Variants in LRRC4C observed in about 807,000 individuals in gnomAD.
LRRC4C encodes leucine rich repeat containing 4C, also known as leucine-rich repeat-containing protein 4C.
In LRRC4C, 5 loss-of-function variants were observed where a neutral mutation model predicts 33.6. The ratio of observed to expected loss-of-function variants is 0.15; its 90% confidence interval spans 0.08 to 0.31. LRRC4C has a LOEUF of 0.31. Among genes scored for constraint, LRRC4C ranks in the 10% least tolerant of loss-of-function variants. The pLI is 1.00. For synonymous variants in LRRC4C, 329 were observed against 302.0 expected (o/e 1.09, Z -0.93); for missense variants, 560 against 796.7 (o/e 0.70, Z 3.58).
intron 3 of LRRC4C, among the ~76,000 whole-genome samples, chr11:40,615,995 G>T (rs1379084727): frequency 6.6e-6 from 1 of 151,700 alleles, no homozygotes; most frequent in East Asian, 1.9e-4. Flanking sequence ...TTCAAGGAAT[G>T]AAACTACAAT....
intron 3 of LRRC4C, among the ~76,000 whole-genome samples, chr11:40,511,677 G>A (rs1955323175): frequency 6.6e-6 from 1 of 152,190 alleles, no homozygotes. Flanking sequence ...TGAAGCACCA[G>A]CAGGGAATGC....
intron 3 of LRRC4C, among the ~76,000 whole-genome samples, chr11:40,411,493 G>A (rs1301518799): frequency 1.3e-5 from 2 of 151,904 alleles, no homozygotes; most frequent in East Asian, 1.9e-4. Context: ...CCACTGCTCC[G>A]GAATGTATTT....
chr11:40,138,018 C>T (rs529208755), intron 6 of LRRC4C, among the ~76,000 whole-genome samples: 1 of 152,258 alleles, frequency 6.6e-6, no homozygotes, highest in East Asian at 1.9e-4. Flanking sequence ...TCACAACAAC[C>T]CCATGAAGAA....
intron 1 of LRRC4C, among the ~76,000 whole-genome samples, chr11:41,065,867 A>G (rs902224041): frequency 6.6e-6 from 1 of 152,192 alleles, no homozygotes; most frequent in Admixed American, 6.5e-5. Context: ...AATAACAACA[A>G]CATCAACAAA....
intron 1 of LRRC4C, among the ~76,000 whole-genome samples, chr11:41,373,234 T>C (rs577158016): frequency 6.6e-6 from 1 of 152,234 alleles, no homozygotes; most frequent in Admixed American, 6.5e-5. Flanking sequence ...TTTAATAGCA[T>C]ATATATACTG....
intron 3 of LRRC4C, among the ~76,000 whole-genome samples, chr11:40,534,253 T>A (rs1157508167): frequency 6.6e-6 from 1 of 152,106 alleles, no homozygotes; most frequent in Non-Finnish European, 1.5e-5. Context: ...TTGCTACCAT[T>A]GTTACTATAA....
chr11:40,585,675 A>C (rs1420502087), intron 3 of LRRC4C, among the ~76,000 whole-genome samples: 5 of 127,038 alleles, frequency 3.9e-5, no homozygotes, highest in Non-Finnish European at 7.9e-5. Flanking sequence ...TCCTGTGTCC[A>C]TGTGATCTCA....
intron 5 of LRRC4C, among the ~76,000 whole-genome samples, chr11:40,186,116 A>G (rs1227200854): frequency 1.3e-5 from 2 of 152,194 alleles, no homozygotes; most frequent in African/African-American, 4.8e-5. Context: ...TCACTATTCT[A>G]GACTCTGGTT....
At chr11:41,389,547 C>A (rs1407655253) in intron 1 of LRRC4C, among the ~76,000 whole-genome samples, 1 of 139,114 alleles carries the variant, frequency 7.2e-6, no homozygotes, top group Non-Finnish European at 1.5e-5. Flanking sequence ...CAGTCTCTAA[C>A]AAAAGGAAGA....
intron 1 of LRRC4C, among the ~76,000 whole-genome samples, chr11:41,246,128 A>C (rs546121207): frequency 3.3e-5 from 5 of 152,094 alleles, no homozygotes; most frequent in Admixed American, 3.3e-4. Context: ...GCTGCCGTTT[A>C]TCTGCCGTCC....
chr11:41,266,264 A>T (rs1949148579), intron 1 of LRRC4C, among the ~76,000 whole-genome samples: 1 of 152,124 alleles, frequency 6.6e-6, no homozygotes, highest in Non-Finnish European at 1.5e-5. Flanking sequence ...ACAGGTTTAG[A>T]TGCCTGATAC....
At chr11:41,415,397 C>CA (rs1400451042) in intron 1 of LRRC4C, among the ~76,000 whole-genome samples, 1 of 152,108 alleles carries the variant, frequency 6.6e-6, no homozygotes, top group African/African-American at 2.4e-5. Context: ...AATGACTGAG[C>CA]AAAGCGGTGT....
At chr11:41,184,613 G>A (rs747912676) in intron 1 of LRRC4C, among the ~76,000 whole-genome samples, 1 of 152,006 alleles carries the variant, frequency 6.6e-6, no homozygotes, top group East Asian at 1.9e-4. Context: ...AAAGTCTCTG[G>A]AAAGTTTCAT....
chr11:40,687,977 T>C (rs571067976), intron 2 of LRRC4C, among the ~76,000 whole-genome samples: 11 of 136,948 alleles, frequency 8.0e-5, no homozygotes, highest in Non-Finnish European at 1.3e-4. Flanking sequence ...AGCATAGCCC[T>C]GCTTTACAGA....
At position 41,451,005 on chromosome 11, in the gene LRRC4C, C is replaced by A. The variant is rs1231027008; in HGVS notation, c.-496+8426G>T. Among the ~76,000 whole-genome samples, 3 of 151,998 alleles carry A rather than the reference C, an allele frequency of 2.0e-5. No individual in the cohort carries two copies. In the East Asian group the frequency reaches 5.8e-4, roughly 29 times the overall value. On this transcript the variant is annotated intron_variant, in intron 1 of 6. Coordinates refer to ENST00000528697, the MANE Select transcript of LRRC4C (RefSeq NM_001258419.2). ...TTTTTGGTTCTGAATCCTGTGCTGC[C>A]TTGTTTAGCAAGTTAATTGCTCCTC... is the stretch of plus-strand genomic sequence containing the variant.
intron 1 of LRRC4C, among the ~76,000 whole-genome samples, chr11:41,170,619 G>T (rs1351214050): frequency 2.0e-5 from 3 of 152,158 alleles, no homozygotes; most frequent in Admixed American, 2.0e-4. Context: ...ATGGATTAAA[G>T]ACTTAAATGT....
chr11:41,064,675 G>T (rs374826110), intron 1 of LRRC4C, among the ~76,000 whole-genome samples: 1 of 152,168 alleles, frequency 6.6e-6, no homozygotes, highest in Non-Finnish European at 1.5e-5. Context: ...AGCTCCAAGC[G>T]AGACCAATGC....
At chr11:40,233,963 C>T (rs552187406) in intron 5 of LRRC4C, among the ~76,000 whole-genome samples, 35 of 152,238 alleles carry the variant, frequency 2.3e-4, no homozygotes, top group South Asian at 1.7e-3. Flanking sequence ...TTAAGCCTCA[C>T]GAAAACTCTA....
intron 3 of LRRC4C, among the ~76,000 whole-genome samples, chr11:40,512,138 A>G (rs1269445827): frequency 1.3e-5 from 2 of 152,140 alleles, no homozygotes; most frequent in African/African-American, 4.8e-5. Flanking sequence ...TAATCTATAA[A>G]TTCTACATTT....
Sources: allele counts gnomAD v4.1 joint callset (sites outside exome capture counted in the v4.1 genomes callset), GRCh38; gene constraint gnomAD v4.1.1; transcripts MANE v1.5; gene names NCBI Gene and HGNC (gene_info 2026-07-23, HGNC 2026-07-21).